STKLD1: variants seen among roughly 807,000 people sequenced by gnomAD.
STKLD1 encodes the protein serine/threonine kinase like domain containing 1.
In STKLD1, 79 loss-of-function variants were observed where a neutral mutation model predicts 80.4. The observed-to-expected ratio is 0.98, with a 90% confidence interval of 0.82 to 1.19. The LOEUF (loss-of-function observed/expected upper bound fraction) is 1.19, where lower values mean the gene tolerates loss of function less well. STKLD1 is among the 50% of genes most tolerant of loss of function. STKLD1 has a pLI of 0.00. For missense variants in STKLD1, 841 were observed against 856.0 expected, an observed-to-expected ratio of 0.98 and a Z score of 0.22; for synonymous variants, 393 against 357.6, an observed-to-expected ratio of 1.10 and a Z score of -1.12.
At chr9:133,403,092 C>T (rs929979629) in intron 14 of STKLD1, 80 bp downstream of exon 14, 12 of 1,417,226 alleles carry the variant, frequency 8.5e-6, no homozygotes, top group African/African-American at 7.1e-5. Context: ...TGAGAGCCTT[C>T]GAGGACCTCC....
chr9:133,394,167 T>G lies in STKLD1; in HGVS notation c.584-124T>G, dbSNP rs1838495679. On this transcript the variant is annotated intron_variant, in intron 7 of 17. Transcript: ENST00000371957. This position sits in a 1 kb window ranked among gnomAD's most constrained non-coding sequence, Gnocchi z 4.9. ...CTTCTGAGAAGAGGACCTGCAGGGC[T>G]TGTGTTTCAAGCTGCTTGCGGGGGG... 1 of 706,218 alleles carries G rather than the reference T, an allele frequency of 1.4e-6. No individual in the cohort carries two copies. Among genetic ancestry groups the G allele is most frequent in the East Asian group, 2.5e-5 (1 of 40,452 alleles). 43.7% of individuals were successfully genotyped at this position (706,218 alleles called of 1,614,324 possible). A position where few individuals can be genotyped will look rare whatever the true frequency, so the allele number is the denominator to read the frequency against.
At position 133,386,871 on chromosome 9, in the gene STKLD1, G is replaced by T. The variant is rs117635052; in HGVS notation, c.295-576G>T. ...GTTCCCACCTGGGGCCAACAATCCC[G>T]GGTCCGAGCAGGAAAGGCCCCTCAC... On this transcript the variant is annotated intron_variant, in intron 4 of 17. Coordinates refer to ENST00000371957, the MANE Select transcript of STKLD1 (RefSeq NM_153710.5). Among the ~76,000 whole-genome samples, 5 of 152,318 alleles carry T rather than the reference G, an allele frequency of 3.3e-5. No homozygotes were observed. The South Asian group carries it at 8.3e-4, about 25-fold the overall frequency.
Position 133,384,060 on chromosome 9 carries a change from G to A in STKLD1, c.219+160G>A. The A allele has an allele frequency of 1.5e-6, 1 of 656,426 alleles. No individual in the cohort carries two copies. Among genetic ancestry groups the A allele is most frequent in the Admixed American group, 2.5e-5 (1 of 39,584 alleles). 40.7% of individuals were successfully genotyped at this position (656,426 alleles called of 1,614,324 possible). ...TCAGCTGTGAAGCCAGCAGCCCCAGGTCATGAAGGGAGTCCATGCCCCAAA... is the reference window on the plus strand; with the variant it reads ...TCAGCTGTGAAGCCAGCAGCCCCAGATCATGAAGGGAGTCCATGCCCCAAA... On this transcript the variant is annotated intron_variant, in intron 3 of 17. Transcript: ENST00000371957. The surrounding 1 kb of genome is among the most constrained non-coding windows in gnomAD (Gnocchi z 4.3).
chr9:133,403,628 TG>T (rs1459379230), intron 14 of STKLD1, 71 bp from the exon 15 acceptor site: 3 of 1,546,566 alleles, frequency 1.9e-6, no homozygotes, highest in African/African-American at 2.7e-5. Context: ...AGGCAGCAGA[TG>T]GGGGATGGGA....
intron 3 of STKLD1, 54 bp downstream of exon 3, chr9:133,383,954 C>T: frequency 6.6e-7 from 1 of 1,522,086 alleles, no homozygotes; most frequent in Non-Finnish European, 9.1e-7. Flanking sequence ...CATACACAGA[C>T]TGTGTTCTGT....
At chr9:133,399,833 G>A (rs1838649461) in intron 11 of STKLD1, among the ~76,000 whole-genome samples, 1 of 148,178 alleles carries the variant, frequency 6.7e-6, no homozygotes, top group African/African-American at 2.5e-5. Context: ...GAGCTGAGAT[G>A]ATGCCACTGC....
chr9:133,403,392 G>A (rs139626264), intron 14 of STKLD1, among the ~76,000 whole-genome samples: 374 of 152,288 alleles, frequency 2.5e-3, no homozygotes, highest in Non-Finnish European at 3.7e-3. Flanking sequence ...CACAGTAGGG[G>A]GCCCCCTGGC....
chr9:133,378,696 G>C (rs976581636), intron 1 of STKLD1, among the ~76,000 whole-genome samples: 1 of 152,258 alleles, frequency 6.6e-6, no homozygotes, highest in African/African-American at 2.4e-5. Context: ...GATGCTGGAA[G>C]TTGAGGTCAC....
chr9:133,379,239 G>C, intron 2 of STKLD1, 117 bp downstream of exon 2: 1 of 834,040 alleles, frequency 1.2e-6, no homozygotes. Context: ...ATTCCTCGCT[G>C]CTGACACTTG....
chr9:133,390,560 A>G lies in STKLD1; in HGVS notation c.468-121A>G. 2.9e-6 allele frequency: 2 copies of G among 698,136 alleles called. No individual in the cohort carries two copies. The highest frequency in any genetic ancestry group is 5.1e-6 in the Non-Finnish European group (2 of 390,178). 43.2% of individuals were successfully genotyped at this position (698,136 alleles called of 1,614,324 possible). ...GGATGTGGGCTGCTGCTGCAGAACCAGGTGGGGCAGGGAGCAGAGAGTCAG... is the reference window on the plus strand; with the variant it reads ...GGATGTGGGCTGCTGCTGCAGAACCGGGTGGGGCAGGGAGCAGAGAGTCAG... On this transcript the variant is annotated intron_variant, in intron 6 of 17. Coordinates refer to ENST00000371957, the MANE Select transcript of STKLD1 (RefSeq NM_153710.5). This position sits in a 1 kb window ranked among gnomAD's most constrained non-coding sequence, Gnocchi z 5.1.
In STKLD1 at chr9:133,389,583, G is replaced by C. The variant is rs2130284561; in HGVS notation, c.454G>C (p.Asp152His). Residue 152 changes from aspartate (D) to histidine (H), a missense_variant, in exon 6 of 18, where the codon GAC becomes CAC. Transcript: ENST00000371957. The surrounding 1 kb of genome is among the most constrained non-coding windows in gnomAD (Gnocchi z 6.4). Reference protein sequence around the residue: ...LDALEYLHHLDIIHRNLKPSN... With the variant: ...LDALEYLHHLHIIHRNLKPSN... ...CGCGCTGGAATACCTGCACCATTTGGACATCATCCACAGGTAAGTGGGGCC... is the reference window on the plus strand; with the variant it reads ...CGCGCTGGAATACCTGCACCATTTGCACATCATCCACAGGTAAGTGGGGCC... 3.7e-6 allele frequency: 6 copies of C among 1,613,504 alleles called. No individual in the cohort carries two copies. The Admixed American group carries it at 1.0e-4, about 27-fold the overall frequency.
intron 9 of STKLD1, 146 bp from the exon 10 acceptor site, chr9:133,397,018 C>T: frequency 8.3e-7 from 1 of 1,208,160 alleles, no homozygotes; most frequent in Admixed American, 2.4e-5. Context: ...TATGAGAGAC[C>T]CTGCCAAATG....
At chr9:133,403,160 C>A (rs1554778029) in intron 14 of STKLD1, 148 bp downstream of exon 14, 3 of 822,290 alleles carry the variant, frequency 3.6e-6, no homozygotes, top group Non-Finnish European at 5.4e-6. Context: ...CTGAGAGCTT[C>A]CAACTCCAAC....
intron 4 of STKLD1, among the ~76,000 whole-genome samples, chr9:133,386,992 G>A (rs2130278540): frequency 6.6e-6 from 1 of 152,248 alleles, no homozygotes; most frequent in Non-Finnish European, 1.5e-5. Context: ...CAAGGAGGGT[G>A]CAGAGAAGCC....
At chr9:133,382,770 ATGG>A (rs1251636968) in intron 2 of STKLD1, among the ~76,000 whole-genome samples, 10,243 of 143,024 alleles carry the variant, frequency 0.072, 377 homozygotes, top group Non-Finnish European at 0.09. Flanking sequence ...GATGGTGATG[ATGG>A]TGGTGATGAT....
Position 133,376,530 on chromosome 9 carries a change from G to A in STKLD1, c.57G>A (p.Gly19=), listed in dbSNP as rs2130248951. Residue 19 remains glycine, a synonymous_variant, in exon 1 of 18, where the codon GGG becomes GGA. Transcript: ENST00000371957. The part of the protein sequence containing the change: ...RRPTQGERGP[G]SPGEPMEKYQ... ...CCACGCAGGGGGAGCGAGGCCCAGG[G>A]TCCCCCGGAGAGCCCATGGAGAAGT... 6.2e-7 allele frequency: 1 copy of A among 1,600,942 alleles called. No homozygotes were observed. The highest frequency in any genetic ancestry group is 8.5e-7 in the Non-Finnish European group (1 of 1,175,450).
Position 133,405,276 on chromosome 9 carries a change from C to T in STKLD1, c.1898C>T (p.Ser633Phe), listed in dbSNP as rs782035273. The T allele has an allele frequency of 5.6e-6, 9 of 1,611,652 alleles. No individual in the cohort carries two copies. In the Admixed American group the frequency reaches 8.4e-5, roughly 15 times the overall value. ...SYEEILPELVSSSMKALLQEI... is the reference protein window; with the variant it reads ...SYEEILPELVFSSMKALLQEI... ...GAGGAGATCCTGCCGGAGCTGGTGT[C>T]CAGTAGTATGAAGGCCCTGCTCCAG... The change falls in exon 18 of 18, where the codon TCC (serine) becomes TTC (phenylalanine). Residue 633 changes from serine to phenylalanine, a missense_variant. Physicochemically the swap from Ser to Phe is radical, Grantham distance 155 (BLOSUM62 -2). Coordinates refer to ENST00000371957, the MANE Select transcript of STKLD1 (RefSeq NM_153710.5).
intron 2 of STKLD1, among the ~76,000 whole-genome samples, chr9:133,381,207 C>G (rs1838124677): frequency 7.7e-6 from 1 of 130,150 alleles, no homozygotes; most frequent in African/African-American, 3.0e-5. Context: ...GGTGTGATCT[C>G]AGCTCACTGT....
At chr9:133,403,641 G>A (rs1027578741) in intron 14 of STKLD1, 59 bp from the exon 15 acceptor site, 24 of 1,560,500 alleles carry the variant, frequency 1.5e-5, no homozygotes, top group Admixed American at 1.9e-5. Context: ...GGGATGGGAA[G>A]GCCCCCCTGC....
Sources: gnomAD v4.1 joint callset for allele counts (sites outside exome capture counted in the v4.1 genomes callset) on GRCh38, gnomAD v4.1.1 for gene constraint, Gnocchi (gnomAD v3.1) non-coding constraint, MANE v1.5 for transcripts, NCBI Gene and HGNC (gene_info 2026-07-23, HGNC 2026-07-21) for gene names.